The following ULK3 variants were observed in gnomAD, a reference collection of about 807,000 sequenced individuals.
ULK3 encodes the protein serine/threonine-protein kinase ULK3.
A neutral mutation model predicts 69.4 loss-of-function variants in ULK3; 54 were observed. The observed-to-expected ratio is 0.78, with a 90% CI of 0.63 to 0.98. The LOEUF (loss-of-function observed/expected upper bound fraction) is 0.98, where lower values mean the gene tolerates loss of function less well. Ranked by LOEUF, ULK3 falls within the 50% of genes least tolerant of loss-of-function variation. ULK3 has a pLI of 0.00. For synonymous variants in ULK3, 240 were observed against 254.5 expected (o/e 0.94, Z 0.54); for missense variants, 558 against 627.7 (o/e 0.89, Z 1.19).
intron 4 of ULK3, 34 bp from the exon 5 acceptor site, chr15:74,840,675 T>C (rs371263425): frequency 1.2e-5 from 18 of 1,530,234 alleles, no homozygotes; most frequent in Non-Finnish European, 1.6e-5. Flanking sequence ...AGGGCTTGAA[T>C]TCCAGCTGCT....
chr15:74,838,871 G>T, intron 9 of ULK3, 126 bp from the exon 10 acceptor site: 1 of 1,401,150 alleles, frequency 7.1e-7, no homozygotes, highest in Admixed American at 2.0e-5. Flanking sequence ...GGGGGCAAAT[G>T]TGGCTGGCCT....
intron 4 of ULK3, 169 bp from the exon 5 acceptor site, chr15:74,840,810 G>T: frequency 1.1e-6 from 1 of 945,780 alleles, no homozygotes; most frequent in Non-Finnish European, 1.5e-6. Flanking sequence ...TCTGCCTCTG[G>T]GGTATAAAAC....
At chr15:74,839,407 T>A (rs1324662699) in intron 7 of ULK3, 34 bp from the exon 8 acceptor site, 1 of 1,549,342 alleles carries the variant, frequency 6.5e-7, no homozygotes. Context: ...CAGGTCCACC[T>A]CCCTACCCTC....
intron 13 of ULK3, 121 bp from the exon 14 acceptor site, chr15:74,837,919 C>T (rs2064084366): frequency 8.2e-7 from 1 of 1,214,492 alleles, no homozygotes; most frequent in African/African-American, 1.5e-5. Context: ...AACAACTTGC[C>T]TCCTGAGTCC....
In ULK3 at chr15:74,840,554, C is replaced by G; in HGVS notation, c.557G>C (p.Cys186Ser). ...CACGCGGGCGTCATACTGCCGCTGG[C>G]ACACCATCTCGGGGGCCATGTAGAG... is the stretch of plus-strand genomic sequence containing the variant. ...SPLYMAPEMV[C>S]QRQYDARVDL... The change falls in exon 5 of 16, where the codon TGC becomes TCC. Residue 186 changes from cysteine to serine, a missense_variant. By Grantham distance (112) the Cys-to-Ser change is moderately radical. Transcript: ENST00000440863. 1.2e-6 allele frequency: 2 copies of G among 1,611,048 alleles called. No homozygotes were observed. The highest frequency in any genetic ancestry group is 1.7e-6 in the Non-Finnish European group (2 of 1,179,026).
chr15:74,839,635 T>A lies in ULK3; in HGVS notation c.775A>T (p.Ile259Phe), dbSNP rs1368139347. The A allele has an allele frequency of 1.3e-6, 2 of 1,556,458 alleles. No homozygotes were observed. The highest frequency in any genetic ancestry group is 1.2e-5 in the South Asian group (1 of 84,300). ...TGCGCAAAAAAGTCCTGGAAGGAGA[T>A]GCGACGGCTGGGGTCCCGCTCCAGG... ...RLLERDPSRR[I>F]SFQDFFAHPW... is the part of the protein sequence containing the mutation. The change falls in exon 7 of 16, where the codon ATC (isoleucine) becomes TTC (phenylalanine). Residue 259 changes from isoleucine to phenylalanine, a missense_variant. Ile to Phe is a conservative substitution (Grantham distance 21, BLOSUM62 0). Transcript: ENST00000440863.
At chr15:74,839,818 G>A (rs2064180412) in intron 6 of ULK3, 105 bp from the exon 7 acceptor site, 2 of 1,403,370 alleles carry the variant, frequency 1.4e-6, no homozygotes, top group African/African-American at 2.9e-5. Flanking sequence ...TGGACAGGTG[G>A]GGAATCTGAG....
Position 74,839,033 on chromosome 15 carries a change from G to A in ULK3, c.976C>T (p.Arg326Trp), listed in dbSNP as rs757688310. The A allele has an allele frequency of 1.1e-5, 17 of 1,603,930 alleles. No homozygotes were observed. Among genetic ancestry groups the A allele is most frequent in the Admixed American group, 1.0e-4 (6 of 58,648 alleles). The change falls in exon 9 of 16, where the codon CGG becomes TGG. Residue 326 changes from arginine (R) to tryptophan (W), a missense_variant. Physicochemically the swap from Arg to Trp is moderately radical, Grantham distance 101. Coordinates refer to ENST00000440863, the MANE Select transcript of ULK3 (RefSeq NM_001099436.4). The stretch of plus-strand genomic sequence containing the variant: ...ACCTTTGCCTTAATTGCCTCCTTCC[G>A]CTGGGCATCCACTTCATCTGCAGAA... ...PALHYEVDAQ[R>W]KEAIKAKVGQ...
At position 74,842,681 on chromosome 15, in the gene ULK3, T is replaced by A; in HGVS notation, c.103-261A>T. The A allele has an allele frequency of 6.5e-7, 1 of 1,534,964 alleles. No individual in the cohort carries two copies. The highest frequency in any genetic ancestry group is 1.2e-5 in the South Asian group (1 of 84,062). The stretch of plus-strand genomic sequence containing the variant: ...TGATCCATTTCTTTGCATTCTGGAG[T>A]GCTCCCGGCAGAGGCATGTCACTCA... On this transcript the variant is annotated intron_variant, in intron 1 of 15. Transcript: ENST00000440863. This position sits in a 1 kb window ranked among gnomAD's most constrained non-coding sequence, Gnocchi z 4.9.
intron 3 of ULK3, 118 bp downstream of exon 3, chr15:74,841,957 C>G (rs2141155795): frequency 6.6e-7 from 1 of 1,506,148 alleles, no homozygotes; most frequent in East Asian, 2.3e-5. Flanking sequence ...CATAAAATTT[C>G]AGGCTGTGCA....
chr15:74,839,645 G>A lies in ULK3; in HGVS notation c.765C>T (p.Pro255=), dbSNP rs2064171464. 4 of 1,554,796 alleles carry A rather than the reference G, an allele frequency of 2.6e-6. No homozygotes were observed. Among genetic ancestry groups the A allele is most frequent in the Non-Finnish European group, 3.5e-6 (4 of 1,150,766 alleles). ...DLLQRLLERD[P]SRRISFQDFF... Reference sequence around the variant, plus strand: ...AGTCCTGGAAGGAGATGCGACGGCTGGGGTCCCGCTCCAGGAGCCGCTGCA... The same window carrying A: ...AGTCCTGGAAGGAGATGCGACGGCTAGGGTCCCGCTCCAGGAGCCGCTGCA... Residue 255 remains proline (P), a synonymous_variant, in exon 7 of 16, where the codon CCC becomes CCT. Coordinates refer to ENST00000440863, the MANE Select transcript of ULK3 (RefSeq NM_001099436.4).
chr15:74,840,289 G>A lies in ULK3; in HGVS notation c.641C>T (p.Ala214Val). ...YEALFGQPPFASRSFSELEEK... is the reference protein window; with the variant it reads ...YEALFGQPPFVSRSFSELEEK... The stretch of plus-strand genomic sequence containing the variant: ...TTCCAGCTCCGAGAACGACCTGGAG[G>A]CAAAGGGGGGCTGCCCGAAGAGGGC... The change falls in exon 6 of 16, where the codon GCC becomes GTC. Residue 214 changes from alanine to valine, a missense_variant. Ala to Val is a moderately conservative substitution (Grantham distance 64). Transcript: ENST00000440863. 1 of 1,610,776 alleles carries A rather than the reference G, an allele frequency of 6.2e-7. No homozygotes were observed. The highest frequency in any genetic ancestry group is 8.5e-7 in the Non-Finnish European group (1 of 1,178,650).
chr15:74,841,606 C>T (rs2064253574), intron 3 of ULK3, 97 bp from the exon 4 acceptor site: 3 of 974,496 alleles, frequency 3.1e-6, no homozygotes, highest in Admixed American at 4.2e-5. Context: ...GCCTGCACAA[C>T]CCCAGTTCCT....
At chr15:74,841,948 A>G (rs2141155767) in intron 3 of ULK3, 127 bp downstream of exon 3, 1 of 1,480,100 alleles carries the variant, frequency 6.8e-7, no homozygotes, top group East Asian at 2.3e-5. Context: ...AAACAGGACC[A>G]TAAAATTTCA....
At position 74,840,273 on chromosome 15, in the gene ULK3, C is replaced by A. The variant is rs772075476; in HGVS notation, c.657G>T (p.Ser219=). 1.2e-6 allele frequency: 2 copies of A among 1,611,326 alleles called. No homozygotes were observed. The highest frequency in any genetic ancestry group is 1.7e-6 in the Non-Finnish European group (2 of 1,178,926). ...TGCTACGGATCTTCTCTTCCAGCTCCGAGAACGACCTGGAGGCAAAGGGGG... is the reference window on the plus strand; with the variant it reads ...TGCTACGGATCTTCTCTTCCAGCTCAGAGAACGACCTGGAGGCAAAGGGGG... ...GQPPFASRSF[S]ELEEKIRSNR... is the part of the protein sequence containing the mutation. Residue 219 remains serine, a synonymous_variant, in exon 6 of 16, where the codon TCG becomes TCT. Coordinates refer to ENST00000440863, the MANE Select transcript of ULK3 (RefSeq NM_001099436.4).
chr15:74,838,392 C>T (rs1383968238), intron 11 of ULK3, 48 bp from the exon 12 acceptor site: 2 of 1,561,324 alleles, frequency 1.3e-6, no homozygotes, highest in African/African-American at 2.7e-5. Context: ...GCCTGGGTAT[C>T]TCCCTGCCCT....
Position 74,839,024 on chromosome 15 carries a change from C to T in ULK3, c.985G>A (p.Ala329Thr). 1.2e-6 allele frequency: 2 copies of T among 1,605,080 alleles called. No homozygotes were observed. The highest frequency in any genetic ancestry group is 1.7e-6 in the Non-Finnish European group (2 of 1,176,032). ...HYEVDAQRKE[A>T]IKAKVGQYVS... ...CTCTCACCCACCTTTGCCTTAATTG[C>T]CTCCTTCCGCTGGGCATCCACTTCA... The change falls in exon 9 of 16, where the codon GCA becomes ACA. Residue 329 changes from alanine (A) to threonine (T), a missense_variant. Physicochemically the swap from Ala to Thr is moderately conservative, Grantham distance 58. Transcript: ENST00000440863.
rs140140963 is a variant in ULK3, at chr15:74,840,127, A to G, written c.696+107T>C. The G allele has an allele frequency of 1.8e-5, 25 of 1,369,742 alleles. No individual in the cohort carries two copies. The African/African-American group carries it at 2.7e-4, about 15-fold the overall frequency. The allele number at this position is 1,369,742 out of a possible 1,614,324, so 84.8% of individuals were successfully genotyped here. On this transcript the variant is annotated intron_variant, in intron 6 of 15. Coordinates refer to ENST00000440863, the MANE Select transcript of ULK3 (RefSeq NM_001099436.4). The stretch of plus-strand genomic sequence containing the variant: ...GAACCTGCCCCTCCACCACAAAGGC[A>G]GCCTGGAGCCCATACTCCAGTCTCT...
Position 74,842,341 on chromosome 15 carries a change from G to C in ULK3, c.182C>G (p.Thr61Arg). ...LNKASVENLLTEIEILKGIRH... is the reference protein window; with the variant it reads ...LNKASVENLLREIEILKGIRH... The stretch of plus-strand genomic sequence containing the variant: ...AATGCCCTTGAGGATCTCAATCTCC[G>C]TGAGGAGGTTCTCCACCGATGCCTT... Residue 61 changes from threonine to arginine, a missense_variant, in exon 2 of 16, where the codon ACG (threonine) becomes AGG (arginine). Coordinates refer to ENST00000440863, the MANE Select transcript of ULK3 (RefSeq NM_001099436.4). This position sits in a 1 kb window ranked among gnomAD's most constrained non-coding sequence, Gnocchi z 4.9. 1 of 1,614,012 alleles carries C rather than the reference G, an allele frequency of 6.2e-7. No homozygotes were observed. The highest frequency in any genetic ancestry group is 8.5e-7 in the Non-Finnish European group (1 of 1,179,902).
Sources: allele counts gnomAD v4.1 joint callset, GRCh38; gene constraint gnomAD v4.1.1; non-coding constraint Gnocchi (gnomAD v3.1); transcripts MANE v1.5; gene names NCBI Gene and HGNC (gene_info 2026-07-23, HGNC 2026-07-21).